TEP1: variants seen among roughly 807,000 people sequenced by gnomAD.
TEP1 encodes the protein telomerase associated protein 1.
Under a neutral mutation model 306.3 loss-of-function variants are expected in TEP1, and 241 were observed. That is an observed-to-expected ratio of 0.79 (90% CI 0.71 to 0.88). TEP1 has a LOEUF of 0.88. TEP1 is among the 40% of genes least tolerant of loss of function. The pLI, the probability that TEP1 is intolerant of heterozygous loss-of-function variation, is 0.00. For missense variants in TEP1, 3,051 were observed against 3,276.1 expected (o/e 0.93, Z 1.68); for synonymous variants, 1,289 against 1,305.5 (o/e 0.99, Z 0.27).
Position 20,381,498 on chromosome 14 carries a change from G to A in TEP1, c.4558+55C>T. 6.2e-7 allele frequency: 1 copy of A among 1,612,620 alleles called. No individual in the cohort carries two copies. The highest frequency in any genetic ancestry group is 1.3e-5 in the African/African-American group (1 of 75,048). The stretch of plus-strand genomic sequence containing the variant: ...GATGGGAGCACAGTGGGTGGTCCTG[G>A]CCTCCAGGCCCAAGCCCCACACTCA... On this transcript the variant is annotated intron_variant, in intron 31 of 54. Transcript: ENST00000262715. This position sits in a 1 kb window ranked among gnomAD's most constrained non-coding sequence, Gnocchi z 4.0.
chr14:20,403,315 G>GTAAATATTA (rs1320304169), intron 7 of TEP1, 62 bp downstream of exon 7: 2 of 1,576,744 alleles, frequency 1.3e-6, no homozygotes, highest in African/African-American at 2.7e-5. Context: ...AATTTTGTTC[G>GTAAATATTA]TAAATATTAG....
intron 2 of TEP1, 53 bp downstream of exon 2, chr14:20,407,820 A>G: frequency 7.0e-7 from 1 of 1,431,832 alleles, no homozygotes; most frequent in Non-Finnish European, 9.5e-7. Flanking sequence ...AGCTAGAGAC[A>G]AGAGCATACA....
Position 20,403,527 on chromosome 14 carries a change from G to A in TEP1, c.1195-79C>T. 2.5e-6 allele frequency: 4 copies of A among 1,601,482 alleles called. No homozygotes were observed. The Admixed American group carries it at 5.3e-5, about 21-fold the overall frequency. On this transcript the variant is annotated intron_variant, in intron 6 of 54. Transcript: ENST00000262715. The stretch of plus-strand genomic sequence containing the variant: ...AGATCCAGTCAATAGCCCTGAAGGT[G>A]CATCTCTACCAAAAAGGAAGCCAAC...
At chr14:20,401,927 G>A (rs1220447682) in intron 7 of TEP1, among the ~76,000 whole-genome samples, 3 of 152,162 alleles carry the variant, frequency 2.0e-5, no homozygotes, top group African/African-American at 7.2e-5. Context: ...AAATCACTAA[G>A]ACTCTTAATA....
chr14:20,394,556 A>G (rs960041732), intron 12 of TEP1, among the ~76,000 whole-genome samples: 4 of 143,194 alleles, frequency 2.8e-5, no homozygotes, highest in Non-Finnish European at 6.0e-5. Flanking sequence ...CTCAGCTCAC[A>G]GCAACCTCCG....
At chr14:20,410,492 G>C (rs923042291) in intron 1 of TEP1, among the ~76,000 whole-genome samples, 1 of 151,970 alleles carries the variant, frequency 6.6e-6, no homozygotes, top group Non-Finnish European at 1.5e-5. Context: ...GCACGATCTT[G>C]GCTCACTGCA....
intron 14 of TEP1, 21 bp downstream of exon 14, chr14:20,390,917 G>A: frequency 6.2e-7 from 1 of 1,613,670 alleles, no homozygotes. Context: ...ATTTTTGGAT[G>A]GTGGGTGTTG....
In TEP1 at chr14:20,408,251, T is replaced by C. The variant is rs762456085; in HGVS notation, c.189A>G (p.Lys63=). 5 of 1,613,492 alleles carry C rather than the reference T, an allele frequency of 3.1e-6. No homozygotes were observed. The South Asian group carries it at 4.4e-5, about 14-fold the overall frequency. Residue 63 remains lysine (K), a synonymous_variant, in exon 2 of 55, where the codon AAA becomes AAG. Coordinates refer to ENST00000262715, the MANE Select transcript of TEP1 (RefSeq NM_007110.5). ...GGTGGGCAGACACATATCCATGTGG[T>C]TTTTCCATGGTCTTCAGGTCAGGAA... The part of the protein sequence containing the change: ...ATLPDLKTME[K]PHGYVSAHPD...
At chr14:20,373,204 A>T (rs1884960086) in intron 47 of TEP1, 57 bp from the exon 48 acceptor site, 2 of 1,612,754 alleles carry the variant, frequency 1.2e-6, no homozygotes, top group South Asian at 2.2e-5. Context: ...GATAAGAGAT[A>T]TCAGGCCACC....
At chr14:20,401,401 T>C in intron 8 of TEP1, 56 bp downstream of exon 8, 1 of 1,604,964 alleles carries the variant, frequency 6.2e-7, no homozygotes, top group African/African-American at 1.3e-5. Context: ...GCCACGGATG[T>C]TGAAAAGTTA....
At chr14:20,378,592 T>G (rs1885341384) in intron 37 of TEP1, 57 bp from the exon 38 acceptor site, 1 of 1,609,752 alleles carries the variant, frequency 6.2e-7, no homozygotes, top group African/African-American at 1.3e-5. Flanking sequence ...AACTTCTCAG[T>G]CCCAGACCTC....
chr14:20,405,272 C>A (rs1185247101), intron 4 of TEP1, among the ~76,000 whole-genome samples, 179 bp downstream of exon 4: 1 of 152,162 alleles, frequency 6.6e-6, no homozygotes, highest in Non-Finnish European at 1.5e-5. Context: ...GTCTAGTATA[C>A]TCTTTCCCCA....
rs376019257 is a variant in TEP1, at chr14:20,382,109, C to T, written c.4274-46G>A. 1.6e-4 allele frequency: 255 copies of T among 1,611,210 alleles called. 2 individuals are homozygous for T. In the South Asian group the frequency reaches 2.6e-3, roughly 17 times the overall value. On this transcript the variant is annotated intron_variant, in intron 29 of 54. Transcript: ENST00000262715. The stretch of plus-strand genomic sequence containing the variant: ...AGGCCCTCATCTAACCATACGGTGT[C>T]CCCGCCCCCACCACACCCAGTCTCT...
chr14:20,368,873 A>T lies in TEP1; in HGVS notation c.7686T>A (p.His2562Gln), dbSNP rs1278025028. ...KIHSGSVTAL[H>Q]VLPELLVTAS... Reference sequence around the variant, plus strand: ...CTGTCACCAGCAACTCAGGTAGCACATGGAGGGCTGTGACAGAGCCCGAGT... The same window carrying T: ...CTGTCACCAGCAACTCAGGTAGCACTTGGAGGGCTGTGACAGAGCCCGAGT... The change falls in exon 54 of 55, where the codon CAT becomes CAA. Residue 2562 changes from histidine to glutamine, a missense_variant. Coordinates refer to ENST00000262715, the MANE Select transcript of TEP1 (RefSeq NM_007110.5). 1.2e-6 allele frequency: 2 copies of T among 1,614,092 alleles called. No homozygotes were observed. The highest frequency in any genetic ancestry group is 3.3e-5 in the Admixed American group (2 of 60,006).
At chr14:20,403,079 C>T (rs1300133101) in intron 7 of TEP1, among the ~76,000 whole-genome samples, 1 of 150,242 alleles carries the variant, frequency 6.7e-6, no homozygotes, top group Non-Finnish European at 1.5e-5. Flanking sequence ...ATCGCTTGAG[C>T]CTGTGAGGTG....
At chr14:20,374,255 A>G (rs1277257600) in intron 44 of TEP1, among the ~76,000 whole-genome samples, 174 bp downstream of exon 44, 1 of 151,764 alleles carries the variant, frequency 6.6e-6, no homozygotes, top group Non-Finnish European at 1.5e-5. Context: ...GTACCCAGCT[A>G]ATTTTTATTT....
chr14:20,391,134 G>C, intron 13 of TEP1, 38 bp from the exon 14 acceptor site: 1 of 1,605,416 alleles, frequency 6.2e-7, no homozygotes, highest in Non-Finnish European at 8.5e-7. Flanking sequence ...AAGCTCCCCT[G>C]CTTTGGAATT....
In TEP1 at chr14:20,401,090, C is replaced by T. The variant is rs1379403997; in HGVS notation, c.1443G>A (p.Trp481Ter). 2 of 1,613,992 alleles carry T rather than the reference C, an allele frequency of 1.2e-6. No homozygotes were observed. Among genetic ancestry groups the T allele is most frequent in the African/African-American group, 1.3e-5 (1 of 74,902 alleles). The change falls in exon 9 of 55, where the codon TGG becomes TGA. Residue 481 changes from tryptophan to a stop codon, truncating the protein, a stop_gained. Coordinates refer to ENST00000262715, the MANE Select transcript of TEP1 (RefSeq NM_007110.5). LOFTEE classifies it high-confidence loss of function. The part of the protein sequence containing the change: ...LFSRSRLPGP[W>*]DSSRAGKRMK... ...TCCTCTTCCCAGCTCTGCTAGAATC[C>T]CAAGGCCCAGGAAGGCGACTTCGAG... is the stretch of plus-strand genomic sequence containing the variant.
intron 1 of TEP1, among the ~76,000 whole-genome samples, chr14:20,409,835 A>C (rs939699021): frequency 6.6e-6 from 1 of 151,878 alleles, no homozygotes; most frequent in Admixed American, 6.6e-5. Flanking sequence ...CCTGGCTAAC[A>C]CAGTGAAACC....
Sources: allele counts gnomAD v4.1 joint callset (sites outside exome capture counted in the v4.1 genomes callset), GRCh38; gene constraint gnomAD v4.1.1; non-coding constraint Gnocchi (gnomAD v3.1); transcripts MANE v1.5; gene names NCBI Gene and HGNC (gene_info 2026-07-23, HGNC 2026-07-21).